The following SCHIP1 variants were observed in gnomAD, a reference collection of about 807,000 sequenced individuals.
The protein encoded by SCHIP1 is schwannomin-interacting protein 1.
Under a neutral mutation model 29.7 loss-of-function variants are expected in SCHIP1, and 8 were observed. The ratio of observed to expected loss-of-function variants is 0.27; its 90% confidence interval spans 0.16 to 0.49. The LOEUF is 0.49. SCHIP1 is among the 20% of genes least tolerant of loss of function. The pLI, the probability that SCHIP1 is intolerant of heterozygous loss-of-function variation, is 0.99. For missense variants in SCHIP1, 193 were observed against 294.6 expected (o/e 0.66, Z 2.52); for synonymous variants, 76 against 94.9 (o/e 0.80, Z 1.16).
At chr3:159,720,394 AAAAT>A in the SCHIP1 span, among the ~76,000 whole-genome samples, 1 of 152,132 alleles carries the variant, frequency 6.6e-6, no homozygotes, top group African/African-American at 2.4e-5. Context: ...AAAAAAATTA[AAAAT>A]AAATAAATAA....
At chr3:159,397,140 C>T in the SCHIP1 span, among the ~76,000 whole-genome samples, 6 of 151,574 alleles carry the variant, frequency 4.0e-5, no homozygotes, top group African/African-American at 7.3e-5. Context: ...GCATTCTTCA[C>T]GTAGTTCTCG....
the SCHIP1 span, among the ~76,000 whole-genome samples, chr3:159,681,794 GGTTAACTTGGGTTAACTCAAC>G: frequency 6.6e-6 from 1 of 151,862 alleles, no homozygotes; most frequent in East Asian, 1.9e-4. Flanking sequence ...CGTTAACTTA[GGTTAACTTGGGTTAACTCAAC>G]GTTAACTTAG....
At chr3:159,411,200 G>T in the SCHIP1 span, among the ~76,000 whole-genome samples, 1 of 152,154 alleles carries the variant, frequency 6.6e-6, no homozygotes, top group Non-Finnish European at 1.5e-5. Flanking sequence ...GAATAAATAA[G>T]ATCTAGCATT....
rs1491162423 is a variant in SCHIP1, at chr3:159,875,031, AAC to A, written c.149+8752_149+8753del. Among the ~76,000 whole-genome samples, 42 of 148,888 alleles carry A rather than the reference AAC, an allele frequency of 2.8e-4. 6 individuals are homozygous for A. The highest frequency in any genetic ancestry group is 3.9e-4 in the East Asian group (2 of 5,162). ...CACTGGGTAGTCTAAAAAAAAAAAA[AAC>A]AAAAACTATCATTTTTTATGCCCCT... On this transcript the variant is annotated intron_variant, in intron 2 of 6. Transcript: ENST00000445224.
At chr3:159,422,444 A>G in the SCHIP1 span, among the ~76,000 whole-genome samples, 1 of 152,240 alleles carries the variant, frequency 6.6e-6, no homozygotes, top group Non-Finnish European at 1.5e-5. Context: ...ATCAATTAAT[A>G]CTACTGTTTA....
chr3:159,519,683 T>A, the SCHIP1 span, among the ~76,000 whole-genome samples: 4 of 152,258 alleles, frequency 2.6e-5, no homozygotes, highest in Admixed American at 2.6e-4. Flanking sequence ...AGTAAAATTA[T>A]GAAAGCATTG....
the SCHIP1 span, among the ~76,000 whole-genome samples, chr3:159,624,121 C>A: frequency 6.6e-6 from 1 of 152,236 alleles, no homozygotes; most frequent in South Asian, 2.1e-4. Flanking sequence ...AATGGTTACT[C>A]TTTATTGGCC....
At chr3:159,619,679 G>A in the SCHIP1 span, among the ~76,000 whole-genome samples, 1 of 152,194 alleles carries the variant, frequency 6.6e-6, no homozygotes, top group Admixed American at 6.5e-5. Flanking sequence ...TCTGTAGCTG[G>A]GGAAACTGTA....
In SCHIP1 at chr3:159,896,702, A is replaced by C. The variant is rs763086427; in HGVS notation, c.684-21A>C. 18 of 1,588,816 alleles carry C rather than the reference A, an allele frequency of 1.1e-5. No individual in the cohort carries two copies. In the South Asian group the frequency reaches 2.0e-4, roughly 17 times the overall value. On this transcript the variant is annotated intron_variant, in intron 6 of 6. Transcript: ENST00000445224. ...GGATCTCTCTACATGATGCTAAATAATTGTATTAATTGTTTTACAGACATG... is the reference window on the plus strand; with the variant it reads ...GGATCTCTCTACATGATGCTAAATACTTGTATTAATTGTTTTACAGACATG...
At chr3:159,562,604 A>C in the SCHIP1 span, among the ~76,000 whole-genome samples, 1 of 152,186 alleles carries the variant, frequency 6.6e-6, no homozygotes, top group Non-Finnish European at 1.5e-5. Flanking sequence ...TGTTGGCTAC[A>C]TTTAGCTGTA....
At chr3:159,371,941 G>A in the SCHIP1 span, among the ~76,000 whole-genome samples, 1 of 152,112 alleles carries the variant, frequency 6.6e-6, no homozygotes, top group Non-Finnish European at 1.5e-5. Flanking sequence ...AACTGTATAT[G>A]TACTATTATT....
chr3:159,572,236 C>T, the SCHIP1 span, among the ~76,000 whole-genome samples: 38 of 152,136 alleles, frequency 2.5e-4, 1 homozygote, highest in Admixed American at 2.2e-3. Context: ...TAGATCTTTC[C>T]TGCTTTCTCT....
At chr3:159,657,721 A>G in the SCHIP1 span, among the ~76,000 whole-genome samples, 1 of 152,238 alleles carries the variant, frequency 6.6e-6, no homozygotes, top group Non-Finnish European at 1.5e-5. Context: ...GTTAGATCCA[A>G]TTTTAAATTA....
chr3:159,850,542 CAAAAAAAA>C (rs61224003), intron 1 of SCHIP1, among the ~76,000 whole-genome samples: 3 of 104,938 alleles, frequency 2.9e-5, no homozygotes, highest in South Asian at 3.2e-4. Context: ...GATTCCATCT[CAAAAAAAA>C]AAAAAAAAAA....
chr3:159,603,129 AACACTT>A, the SCHIP1 span, among the ~76,000 whole-genome samples: 1 of 152,208 alleles, frequency 6.6e-6, no homozygotes, highest in Non-Finnish European at 1.5e-5. Flanking sequence ...AATTCAAAGA[AACACTT>A]ACACTTATCC....
chr3:159,441,505 A>C, the SCHIP1 span, among the ~76,000 whole-genome samples: 1 of 151,848 alleles, frequency 6.6e-6, no homozygotes, highest in African/African-American at 2.4e-5. Context: ...GGGAAGGGGG[A>C]GGAGGAGAAG....
At chr3:159,494,791 G>C in the SCHIP1 span, among the ~76,000 whole-genome samples, 1 of 151,916 alleles carries the variant, frequency 6.6e-6, no homozygotes, top group Non-Finnish European at 1.5e-5. Flanking sequence ...GCCTGGCAGA[G>C]ACACAACAAA....
At chr3:159,323,430 G>A in the SCHIP1 span, among the ~76,000 whole-genome samples, 1 of 152,048 alleles carries the variant, frequency 6.6e-6, no homozygotes, top group Non-Finnish European at 1.5e-5. Flanking sequence ...CCCTTTTTTA[G>A]AATTTGTGGG....
chr3:159,772,579 G>A, the SCHIP1 span, among the ~76,000 whole-genome samples: 16 of 152,120 alleles, frequency 1.1e-4, no homozygotes, highest in Admixed American at 1.3e-4. Context: ...ATATACAGTT[G>A]TTATCTGGTT....
Sources: allele counts gnomAD v4.1 joint callset (sites outside exome capture counted in the v4.1 genomes callset), GRCh38; gene constraint gnomAD v4.1.1; transcripts MANE v1.5; gene names NCBI Gene and HGNC (gene_info 2026-07-23, HGNC 2026-07-21).